WDR4: variants seen among roughly 807,000 people sequenced by gnomAD.
The protein encoded by WDR4 is tRNA (guanine-N(7)-)-methyltransferase non-catalytic subunit WDR4.
WDR4 carries 47 observed loss-of-function variants against 48.6 expected under a neutral mutation model. That is an observed-to-expected ratio of 0.97 (90% confidence interval 0.77 to 1.23). The LOEUF is 1.23. Among genes scored for constraint, WDR4 ranks in the 50% most tolerant of loss-of-function variants. WDR4 has a pLI of 0.00. For missense variants in WDR4, 606 were observed against 551.6 expected, an observed-to-expected ratio of 1.10 and a Z score of -0.99; for synonymous variants, 268 against 230.0, an observed-to-expected ratio of 1.17 and a Z score of -1.49.
intron 2 of WDR4, among the ~76,000 whole-genome samples, chr21:42,875,034 T>C (rs2058460446): frequency 6.6e-6 from 1 of 152,176 alleles, no homozygotes; most frequent in African/African-American, 2.4e-5. Context: ...CGCCCAGCTT[T>C]AAAATTTCTC....
Position 42,879,513 on chromosome 21 carries a change from C to T in WDR4, c.-18G>A, listed in dbSNP as rs754682732. ...CCCGCCATGTACCCGCCCGCCTCAC[C>T]GCCATACACATGTGCCAGCCCAGAG... On this transcript the variant is annotated 5_prime_UTR_variant, in exon 1 of 11. Coordinates refer to ENST00000398208, the MANE Select transcript of WDR4 (RefSeq NM_018669.6). 2 of 1,612,528 alleles carry T rather than the reference C, an allele frequency of 1.2e-6. No individual in the cohort carries two copies. The highest frequency in any genetic ancestry group is 1.7e-6 in the Non-Finnish European group (2 of 1,179,702).
intron 3 of WDR4, among the ~76,000 whole-genome samples, chr21:42,864,208 T>A (rs2058195513): frequency 6.6e-6 from 1 of 150,802 alleles, no homozygotes; most frequent in African/African-American, 2.5e-5. Context: ...AACTTTCCTG[T>A]GTGTTTGAAA....
In WDR4 at chr21:42,863,381, C is replaced by T; in HGVS notation, c.453+59G>A. On this transcript the variant is annotated intron_variant, in intron 4 of 10. Transcript: ENST00000398208. The stretch of plus-strand genomic sequence containing the variant: ...TCAGCGTATGCCCCACGTGCCACGT[C>T]CCCCATGTACCGTGTCCCACACCTG... 4.5e-6 allele frequency: 7 copies of T among 1,548,874 alleles called. No homozygotes were observed. In the South Asian group the frequency reaches 8.4e-5, roughly 19 times the overall value.
chr21:42,887,917 G>A, the WDR4 span, among the ~76,000 whole-genome samples: 26 of 150,674 alleles, frequency 1.7e-4, no homozygotes, highest in East Asian at 7.8e-4. Flanking sequence ...GCAAGACTCC[G>A]TGTCAAAAAA....
At chr21:42,861,501 G>T (rs1358509786) in intron 5 of WDR4, among the ~76,000 whole-genome samples, 2 of 152,160 alleles carry the variant, frequency 1.3e-5, no homozygotes, top group African/African-American at 4.8e-5. Context: ...GCGAGGCAAG[G>T]GAGCTGCAGA....
intron 3 of WDR4, among the ~76,000 whole-genome samples, chr21:42,864,090 AGAGC>A (rs1201774348): frequency 2.5e-5 from 2 of 78,966 alleles, no homozygotes; most frequent in African/African-American, 1.6e-4. Context: ...CTGGGGCGAC[AGAGC>A]GAGACTCCGT....
At chr21:42,850,995 C>T (rs1362813904) in intron 10 of WDR4, among the ~76,000 whole-genome samples, 10 of 152,180 alleles carry the variant, frequency 6.6e-5, no homozygotes, top group South Asian at 4.1e-4. Context: ...GCCCCTCCAG[C>T]GACTCTGCTG....
upstream of WDR4, among the ~76,000 whole-genome samples, chr21:42,880,934 CTT>C (rs33934531): frequency 1.4e-5 from 2 of 143,172 alleles, no homozygotes; most frequent in Admixed American, 6.9e-5. Context: ...TCCCACTAGT[CTT>C]TTTTTTTTTT....
In WDR4 at chr21:42,854,639, G is replaced by T; in HGVS notation, c.727-13C>A. The stretch of plus-strand genomic sequence containing the variant: ...ACGCGGCAAACTTCTAAAAGGAGAA[G>T]AAGCCCATTAACTTCACGCCACCTG... On this transcript the variant is annotated splice_polypyrimidine_tract_variant and intron_variant, in intron 7 of 10. Transcript: ENST00000398208. 6.2e-7 allele frequency: 1 copy of T among 1,612,866 alleles called. No homozygotes were observed. The highest frequency in any genetic ancestry group is 8.5e-7 in the Non-Finnish European group (1 of 1,179,544).
intron 5 of WDR4, among the ~76,000 whole-genome samples, chr21:42,861,444 G>A (rs960834432): frequency 6.6e-6 from 1 of 152,072 alleles, no homozygotes; most frequent in Non-Finnish European, 1.5e-5. Context: ...TTCCCTAGAA[G>A]GGTGAGAAGC....
At chr21:42,871,190 CCT>C (rs2058362649) in intron 3 of WDR4, among the ~76,000 whole-genome samples, 2 of 152,292 alleles carry the variant, frequency 1.3e-5, no homozygotes, top group Admixed American at 6.5e-5. Context: ...AGGAACCAGC[CCT>C]GTCCTGCCAG....
intron 5 of WDR4, among the ~76,000 whole-genome samples, chr21:42,860,588 C>T (rs144032074): frequency 2.6e-5 from 4 of 152,362 alleles, no homozygotes; most frequent in African/African-American, 7.2e-5. Flanking sequence ...TCGCGTGAGC[C>T]GGGCCCGGTC....
At chr21:42,889,683 A>T in the WDR4 span, among the ~76,000 whole-genome samples, 2 of 152,164 alleles carry the variant, frequency 1.3e-5, no homozygotes, top group Non-Finnish European at 2.9e-5. Flanking sequence ...GGTCATTTGA[A>T]ATTATGCCTG....
Position 42,850,154 on chromosome 21 carries a change from T to G in WDR4, c.1134A>C (p.Arg378Ser), listed in dbSNP as rs770503124. The change falls in exon 11 of 11, where the codon AGA (arginine) becomes AGC (serine). Residue 378 changes from arginine (R) to serine (S), a missense_variant. Arg to Ser is a moderately radical substitution (Grantham distance 110). Transcript: ENST00000398208. ...VTSYLKKKEE[R>S]LQQQLEKKQR... is the part of the protein sequence containing the mutation. The stretch of plus-strand genomic sequence containing the variant: ...GCTTCTTCTCTAGCTGCTGCTGCAG[T>G]CTCTCCTCTTTCTTCTTCAGGTAGG... 7 of 1,614,066 alleles carry G rather than the reference T, an allele frequency of 4.3e-6. No individual in the cohort carries two copies. In the East Asian group the frequency reaches 1.6e-4, roughly 36 times the overall value.
intron 3 of WDR4, among the ~76,000 whole-genome samples, chr21:42,867,957 G>C (rs916940725): frequency 2.0e-5 from 3 of 152,016 alleles, no homozygotes; most frequent in Non-Finnish European, 2.9e-5. Flanking sequence ...CTCCCTCTTG[G>C]CAAAGCACCT....
chr21:42,863,877 T>G (rs562375837), intron 3 of WDR4, among the ~76,000 whole-genome samples: 4 of 144,164 alleles, frequency 2.8e-5, no homozygotes, highest in Non-Finnish European at 6.0e-5. Context: ...GAGGCCGAGG[T>G]GGGTGGATCA....
Position 42,863,534 on chromosome 21 carries a change from G to A in WDR4, c.359C>T (p.Ala120Val). 1 of 1,613,964 alleles carries A rather than the reference G, an allele frequency of 6.2e-7. No homozygotes were observed. The highest frequency in any genetic ancestry group is 1.3e-5 in the African/African-American group (1 of 74,984). ...FIASEEKVLV[A>V]DKSGDVYSFS... ...GGAGTAGACGTCTCCAGACTTGTCG[G>A]CCACCAAGACCTTCTCCTCCGAGGC... The change falls in exon 4 of 11, where the codon GCC (alanine) becomes GTC (valine). Residue 120 changes from alanine (A) to valine (V), a missense_variant. Transcript: ENST00000398208.
chr21:42,878,063 A>G (rs1297762661), intron 1 of WDR4, among the ~76,000 whole-genome samples: 1 of 151,962 alleles, frequency 6.6e-6, no homozygotes, highest in African/African-American at 2.4e-5. Flanking sequence ...AAAAGAAAAA[A>G]AAGAAATTAT....
At chr21:42,886,646 G>A in the WDR4 span, among the ~76,000 whole-genome samples, 6 of 152,198 alleles carry the variant, frequency 3.9e-5, no homozygotes, top group Non-Finnish European at 7.4e-5. Context: ...GGGGAGGAGC[G>A]GGGAGCCCCT....
Sources: allele counts gnomAD v4.1 joint callset (sites outside exome capture counted in the v4.1 genomes callset), GRCh38; gene constraint gnomAD v4.1.1; transcripts MANE v1.5; gene names NCBI Gene and HGNC (gene_info 2026-07-23, HGNC 2026-07-21).